RPTOR: variants seen among roughly 807,000 people sequenced by gnomAD.
RPTOR encodes the protein regulatory associated protein of MTOR complex 1.
Under a neutral mutation model 169.9 loss-of-function variants are expected in RPTOR, and 21 were observed. That is an observed-to-expected ratio of 0.12 (90% CI 0.09 to 0.18). RPTOR has a LOEUF of 0.18. RPTOR is among the 10% of genes least tolerant of loss of function. The probability of loss-of-function intolerance (pLI) is 1.00; values close to 1 mark genes in which losing one functional copy is unlikely to be tolerated. For synonymous variants in RPTOR, 732 were observed against 753.2 expected, an observed-to-expected ratio of 0.97 and a Z score of 0.46; for missense variants, 1,133 against 1,855.9, an observed-to-expected ratio of 0.61 and a Z score of 7.16.
At chr17:80,612,741 A>T (rs2065280090) in intron 1 of RPTOR, among the ~76,000 whole-genome samples, 1 of 152,160 alleles carries the variant, frequency 6.6e-6, no homozygotes, top group Non-Finnish European at 1.5e-5. Flanking sequence ...GGTGGCACCC[A>T]CTTGTGGTCC....
At chr17:80,858,225 C>A (rs1255253029) in intron 13 of RPTOR, 1 of 341,798 alleles carries the variant, frequency 2.9e-6, no homozygotes, top group Non-Finnish European at 5.5e-6. Flanking sequence ...TAAGGCTGTC[C>A]CCGTGCTCCT....
intron 13 of RPTOR, among the ~76,000 whole-genome samples, chr17:80,865,462 C>T (rs966587330): frequency 6.6e-6 from 1 of 152,114 alleles, no homozygotes; most frequent in Non-Finnish European, 1.5e-5. Context: ...AAGAGCTCTG[C>T]CATGCAGGCA....
At chr17:80,737,487 C>A (rs1170847875) in intron 5 of RPTOR, among the ~76,000 whole-genome samples, 1 of 152,224 alleles carries the variant, frequency 6.6e-6, no homozygotes, top group Non-Finnish European at 1.5e-5. Context: ...TGGCTTCAGG[C>A]ACACAGGTGA....
intron 4 of RPTOR, among the ~76,000 whole-genome samples, chr17:80,711,744 C>CTTTTTTTTTTTTTCTTTTTTTTTTTTTT (rs2066193404): frequency 1.1e-5 from 1 of 88,852 alleles, no homozygotes; most frequent in African/African-American, 6.4e-5. Context: ...ATACATCAGT[C>CTTTTTTTTTTTTTCTTTTTTTTTTTTTT]TTTTTTTTTT....
chr17:80,607,134 T>G (rs943791430), intron 1 of RPTOR, among the ~76,000 whole-genome samples: 21 of 152,160 alleles, frequency 1.4e-4, no homozygotes, highest in Admixed American at 7.9e-4. Flanking sequence ...GGAGTCTCAC[T>G]CTGTCTCCCA....
intron 3 of RPTOR, among the ~76,000 whole-genome samples, chr17:80,656,544 C>A (rs1000560158): frequency 8.5e-5 from 13 of 152,284 alleles, no homozygotes; most frequent in African/African-American, 3.1e-4. Flanking sequence ...CTTCTATGTG[C>A]CTTCTGTTTT....
chr17:80,744,875 G>A (rs74466951), intron 5 of RPTOR, among the ~76,000 whole-genome samples: 2 of 8,544 alleles, frequency 2.3e-4, no homozygotes, highest in Non-Finnish European at 5.4e-4. Context: ...TCCTGGTTAC[G>A]AGCACAGCCC....
intron 4 of RPTOR, among the ~76,000 whole-genome samples, chr17:80,728,194 T>C (rs2066356656): frequency 6.6e-6 from 1 of 152,250 alleles, no homozygotes; most frequent in African/African-American, 2.4e-5. Flanking sequence ...GTTTTGTCCC[T>C]TGTTGATCTG....
chr17:80,665,518 C>T (rs568134038), intron 3 of RPTOR, among the ~76,000 whole-genome samples: 1,313 of 79,296 alleles, frequency 0.017, 479 homozygotes, highest in African/African-American at 0.16. Context: ...CCTTTCCTTT[C>T]CTTTCCATGT....
intron 20 of RPTOR, among the ~76,000 whole-genome samples, chr17:80,896,287 T>C (rs1456555146): frequency 6.6e-6 from 1 of 150,940 alleles, no homozygotes; most frequent in Non-Finnish European, 1.5e-5. Context: ...TGGCCATCAG[T>C]CCTTAGGGTC....
chr17:80,868,671 C>G (rs1419825449), intron 13 of RPTOR, among the ~76,000 whole-genome samples: 1 of 152,208 alleles, frequency 6.6e-6, no homozygotes, highest in African/African-American at 2.4e-5. Context: ...AAGGCTTGTA[C>G]ATGAATGTTC....
At chr17:80,634,706 G>GTGTGTGCATAC (rs2065487614) in intron 2 of RPTOR, among the ~76,000 whole-genome samples, 2 of 89,858 alleles carry the variant, frequency 2.2e-5, no homozygotes, top group South Asian at 2.8e-4. Flanking sequence ...TGTGCGTACT[G>GTGTGTGCATAC]TGTGTGTGCG....
At chr17:80,732,820 C>G (rs1431324142) in intron 5 of RPTOR, among the ~76,000 whole-genome samples, 4 of 152,162 alleles carry the variant, frequency 2.6e-5, no homozygotes, top group African/African-American at 9.7e-5. Flanking sequence ...CCTGTGTAGC[C>G]TGTTAGGGTT....
At chr17:80,930,366 T>C (rs371225406) in intron 24 of RPTOR, among the ~76,000 whole-genome samples, 431 of 13,422 alleles carry the variant, frequency 0.032, 5 homozygotes, top group African/African-American at 0.095. Context: ...CAGCTCATCC[T>C]CAGCTCATCC....
At chr17:80,547,961 G>C (rs1253778805) in intron 1 of RPTOR, among the ~76,000 whole-genome samples, 1 of 151,686 alleles carries the variant, frequency 6.6e-6, no homozygotes, top group African/African-American at 2.4e-5. Context: ...TGAGAAGTCA[G>C]CAAACTTTTT....
At chr17:80,766,040 A>G (rs2066783580) in intron 6 of RPTOR, among the ~76,000 whole-genome samples, 1 of 152,190 alleles carries the variant, frequency 6.6e-6, no homozygotes, top group Non-Finnish European at 1.5e-5. Context: ...AACATAGTTC[A>G]CTGATTCTAG....
chr17:80,709,483 G>A (rs1284351255), intron 4 of RPTOR, among the ~76,000 whole-genome samples: 2 of 152,216 alleles, frequency 1.3e-5, no homozygotes, highest in African/African-American at 2.4e-5. Flanking sequence ...GCGCTCTTCC[G>A]CAGTGCGCTT....
At chr17:80,834,422 C>G (rs979735909) in intron 9 of RPTOR, among the ~76,000 whole-genome samples, 19 of 152,178 alleles carry the variant, frequency 1.2e-4, no homozygotes, top group African/African-American at 4.6e-4. Context: ...GTCTGGGCGC[C>G]GAGCCACAGC....
intron 7 of RPTOR, among the ~76,000 whole-genome samples, chr17:80,816,565 G>T (rs1000972674): frequency 2.0e-5 from 3 of 152,242 alleles, no homozygotes; most frequent in African/African-American, 7.2e-5. Flanking sequence ...AGATCCTGGG[G>T]TGTGAAAAGA....
Sources: gnomAD v4.1 joint callset for allele counts (sites outside exome capture counted in the v4.1 genomes callset) on GRCh38, gnomAD v4.1.1 for gene constraint, MANE v1.5 for transcripts, NCBI Gene and HGNC (gene_info 2026-07-23, HGNC 2026-07-21) for gene names.